The following TENM1 variants were observed in gnomAD, a reference collection of about 807,000 sequenced individuals.
TENM1 encodes the protein teneurin transmembrane protein 1.
Under a neutral mutation model 174.8 loss-of-function variants are expected in TENM1, and 35 were observed. The observed-to-expected ratio is 0.20, with a 90% CI of 0.15 to 0.27. The LOEUF is 0.27. Ranked by LOEUF, TENM1 falls within the 10% of genes least tolerant of loss-of-function variation. The probability of loss-of-function intolerance (pLI) is 1.00; values close to 1 mark genes in which losing one functional copy is unlikely to be tolerated. For synonymous variants in TENM1, 781 were observed against 798.7 expected, an observed-to-expected ratio of 0.98 and a Z score of 0.37; for missense variants, 1,633 against 2,130.1, an observed-to-expected ratio of 0.77 and a Z score of 4.59.
intron 3 of TENM1, among the ~76,000 whole-genome samples, chrX:124,783,928 A>G (rs758026693): frequency 5.3e-5 from 6 of 112,171 alleles, no homozygotes; most frequent in Non-Finnish European, 9.4e-5. Context: ...ACTCTGCCCA[A>G]ATCTCTCCCT....
intron 5 of TENM1, among the ~76,000 whole-genome samples, chrX:124,704,167 A>G (rs2052842339): frequency 8.9e-6 from 1 of 112,254 alleles, no homozygotes; most frequent in Non-Finnish European, 1.9e-5. Context: ...ATCTGCTTCA[A>G]ATAGGTAACT....
chrX:125,170,595 T>C, the TENM1 span, among the ~76,000 whole-genome samples: 1 of 111,111 alleles, frequency 9.0e-6, no homozygotes, highest in African/African-American at 3.3e-5. Context: ...GTTGAAGAAG[T>C]TGATTCTGAA....
chrX:124,820,170 C>T (rs781407763), intron 3 of TENM1, among the ~76,000 whole-genome samples: 1 of 111,160 alleles, frequency 9.0e-6, no homozygotes. Context: ...CAACATGCAG[C>T]CCATCATTTT....
chrX:124,708,307 T>C (rs2052959780), intron 4 of TENM1, among the ~76,000 whole-genome samples: 1 of 111,896 alleles, frequency 8.9e-6, no homozygotes, highest in African/African-American at 3.2e-5. Context: ...GAATTTTGCT[T>C]CAGTATCATG....
intron 3 of TENM1, among the ~76,000 whole-genome samples, chrX:124,768,592 T>G (rs1466023544): frequency 1.8e-5 from 2 of 112,423 alleles, no homozygotes; most frequent in Non-Finnish European, 3.8e-5. Flanking sequence ...GTTACAAAGA[T>G]GAAAACCCCA....
intron 16 of TENM1, among the ~76,000 whole-genome samples, chrX:124,527,814 A>AT (rs756753688): frequency 0.019 from 1,649 of 86,647 alleles, 40 homozygotes; most frequent in African/African-American, 0.059. Flanking sequence ...ACGCCCAGCT[A>AT]TTTTTTTTTT....
intron 3 of TENM1, among the ~76,000 whole-genome samples, chrX:124,759,708 G>A (rs1242509377): frequency 8.9e-6 from 1 of 112,026 alleles, no homozygotes. Flanking sequence ...AATTTGGGCT[G>A]TGTCAAGTAA....
the TENM1 span, among the ~76,000 whole-genome samples, chrX:125,145,310 T>G: frequency 8.9e-6 from 1 of 111,825 alleles, no homozygotes. Flanking sequence ...AGTTCTCAAT[T>G]GCTATAAGTA....
chrX:124,956,498 A>G (rs2058576233), intron 1 of TENM1, among the ~76,000 whole-genome samples: 1 of 112,203 alleles, frequency 8.9e-6, no homozygotes, highest in Non-Finnish European at 1.9e-5. Context: ...CCATGGGACA[A>G]ATAGAGGGAG....
At chrX:124,407,733 C>A (rs1318577466) in intron 25 of TENM1, among the ~76,000 whole-genome samples, 1 of 112,819 alleles carries the variant, frequency 8.9e-6, no homozygotes, top group Non-Finnish European at 1.9e-5. Context: ...TGCATATACA[C>A]GTGCGTGTGT....
the TENM1 span, among the ~76,000 whole-genome samples, chrX:125,012,605 C>T: frequency 9.0e-6 from 1 of 111,424 alleles, no homozygotes; most frequent in Non-Finnish European, 1.9e-5. Flanking sequence ...TTAATATATA[C>T]CTTAATAATT....
chrX:124,625,155 G>A (rs2050606440), intron 11 of TENM1, among the ~76,000 whole-genome samples: 1 of 110,907 alleles, frequency 9.0e-6, no homozygotes, highest in Admixed American at 9.6e-5. Flanking sequence ...CCAAGTGGGA[G>A]CTAACATATG....
intron 27 of TENM1, among the ~76,000 whole-genome samples, chrX:124,398,599 T>C (rs1013582321): frequency 3.6e-5 from 4 of 110,965 alleles, no homozygotes; most frequent in African/African-American, 9.7e-5. Flanking sequence ...ACAAGAATCA[T>C]TGTATGACAT....
intron 3 of TENM1, among the ~76,000 whole-genome samples, chrX:124,749,271 T>C (rs2054007581): frequency 9.0e-6 from 1 of 111,623 alleles, no homozygotes; most frequent in Non-Finnish European, 1.9e-5. Flanking sequence ...TATTTCATGA[T>C]TTTTAGTTAA....
chrX:124,783,105 A>C (rs1745041901), intron 3 of TENM1, among the ~76,000 whole-genome samples: 1 of 109,858 alleles, frequency 9.1e-6, no homozygotes, highest in South Asian at 3.7e-4. Flanking sequence ...AAATTTCTCT[A>C]TGATATGAGT....
chrX:124,410,720 C>T (rs1466857255), intron 25 of TENM1, among the ~76,000 whole-genome samples: 2 of 112,279 alleles, frequency 1.8e-5, no homozygotes, highest in African/African-American at 6.5e-5. Context: ...TATGAACAGA[C>T]ACTTCTCAAA....
intron 5 of TENM1, among the ~76,000 whole-genome samples, chrX:124,687,818 T>C (rs2052405786): frequency 8.9e-6 from 1 of 111,929 alleles, no homozygotes; most frequent in South Asian, 3.7e-4. Context: ...GAAAGACAAA[T>C]ACTACATGAT....
chrX:124,837,465 C>G (rs1171075617), intron 3 of TENM1, among the ~76,000 whole-genome samples: 1 of 112,463 alleles, frequency 8.9e-6, no homozygotes, highest in African/African-American at 3.2e-5. Flanking sequence ...AAAATGACTT[C>G]TTTCACTTTA....
chrX:124,425,995 G>GGT (rs200141105), intron 23 of TENM1, among the ~76,000 whole-genome samples: 1,053 of 87,965 alleles, frequency 0.012, 15 homozygotes, highest in African/African-American at 0.036. Context: ...CAAAAGGACT[G>GGT]GTGTGTGTGT....
Sources: allele counts gnomAD v4.1 joint callset (sites outside exome capture counted in the v4.1 genomes callset), GRCh38; gene constraint gnomAD v4.1.1; transcripts MANE v1.5; gene names NCBI Gene and HGNC (gene_info 2026-07-23, HGNC 2026-07-21).